ZBTB12: variants seen among roughly 807,000 people sequenced by gnomAD.
The protein encoded by ZBTB12 is zinc finger and BTB domain-containing protein 12.
ZBTB12 carries 1 observed loss-of-function variant against 6.4 expected under a neutral mutation model. That is an observed-to-expected ratio of 0.16 (90% CI 0.06 to 0.74). The LOEUF is 0.74. ZBTB12 is among the 30% of genes least tolerant of loss of function. The pLI, the probability that ZBTB12 is intolerant of heterozygous loss-of-function variation, is 0.78. For missense variants in ZBTB12, 344 were observed against 613.9 expected (o/e 0.56, Z 4.65); for synonymous variants, 273 against 262.5 (o/e 1.04, Z -0.39).
chr6:31,901,322 A>C lies in ZBTB12; in HGVS notation c.-17T>G. ...AGAGGCCATTGTGGCGGGGGTGGGC[A>C]ACCCTGGTTGGGAAGGAAACCGGTC... is the stretch of plus-strand genomic sequence containing the variant. On this transcript the variant is annotated 5_prime_UTR_variant, in exon 2 of 2. Coordinates refer to ENST00000375527, the MANE Select transcript of ZBTB12 (RefSeq NM_181842.3). The C allele has an allele frequency of 3.1e-6, 5 of 1,595,674 alleles. No homozygotes were observed. Among genetic ancestry groups the C allele is most frequent in the Non-Finnish European group, 4.3e-6 (5 of 1,168,602 alleles).
chr6:31,901,363 T>G, intron 1 of ZBTB12, 38 bp from the exon 2 acceptor site: 10 of 1,529,394 alleles, frequency 6.5e-6, no homozygotes, highest in East Asian at 2.3e-5. Context: ...CAAAGGTCTC[T>G]GGCTCTCCGA....
Position 31,900,917 on chromosome 6 carries a change from T to G in ZBTB12, c.389A>C (p.Lys130Thr). 2.5e-6 allele frequency: 4 copies of G among 1,614,068 alleles called. No individual in the cohort carries two copies. The highest frequency in any genetic ancestry group is 2.5e-6 in the Non-Finnish European group (3 of 1,180,018). ...RNALSQFIEP[K>T]IGLKEDGVSE... is the part of the protein sequence containing the mutation. ...GACCCCATCCTCTTTGAGGCCTATT[T>G]TGGGCTCAATGAACTGGCTGAGGGC... The change falls in exon 2 of 2, where the codon AAA (lysine) becomes ACA (threonine). Residue 130 changes from lysine to threonine, a missense_variant. Coordinates refer to ENST00000375527, the MANE Select transcript of ZBTB12 (RefSeq NM_181842.3). The surrounding 1 kb of genome is among the most constrained non-coding windows in gnomAD (Gnocchi z 9.7).
At chr6:31,901,782 G>C (rs1767308167) in intron 1 of ZBTB12, 55 bp downstream of exon 1, 1 of 160,632 alleles carries the variant, frequency 6.2e-6, no homozygotes, top group Non-Finnish European at 1.3e-5. Flanking sequence ...CCCACGCTCA[G>C]AGCTCCGTGG....
Position 31,901,135 on chromosome 6 carries a change from G to A in ZBTB12, c.171C>T (p.Phe57=), listed in dbSNP as rs760109860. 2 of 1,613,956 alleles carry A rather than the reference G, an allele frequency of 1.2e-6. No individual in the cohort carries two copies. The highest frequency in any genetic ancestry group is 2.2e-5 in the South Asian group (2 of 91,086). ...HKVILAACSP[F]LRDQFLLNPS... is the part of the protein sequence containing the mutation. The stretch of plus-strand genomic sequence containing the variant: ...GGTTCAGCAGGAACTGGTCCCGCAG[G>A]AAGGGTGAGCAGGCGGCCAAGATGA... Residue 57 remains phenylalanine, a synonymous_variant, in exon 2 of 2, where the codon TTC becomes TTT. Transcript: ENST00000375527.
At chr6:31,901,645 G>T (rs1196330947) in intron 1 of ZBTB12, among the ~76,000 whole-genome samples, 192 bp downstream of exon 1, 2 of 151,792 alleles carry the variant, frequency 1.3e-5, no homozygotes, top group Non-Finnish European at 2.9e-5. Context: ...AGGTGGCCCC[G>T]GTTGCAGGCT....
rs1464600610 is a variant in ZBTB12 at position 31,901,168 on chromosome 6, G to A, written c.138C>T (p.Gly46=). 4 of 1,613,682 alleles carry A rather than the reference G, an allele frequency of 2.5e-6. No individual in the cohort carries two copies. The highest frequency in any genetic ancestry group is 1.7e-4 in the Middle Eastern group (1 of 6,000). ...AGCAGGCGGCCAAGATGACCTTGTGGCCTCGAAACTTGAGGCTGTCGGCCA... is the reference window on the plus strand; with the variant it reads ...AGCAGGCGGCCAAGATGACCTTGTGACCTCGAAACTTGAGGCTGTCGGCCA... ...TIVADSLKFR[G]HKVILAACSP... The change falls in exon 2 of 2, where the codon GGC becomes GGT. Residue 46 remains glycine, a synonymous_variant. Coordinates refer to ENST00000375527, the MANE Select transcript of ZBTB12 (RefSeq NM_181842.3).
At position 31,900,358 on chromosome 6, in the gene ZBTB12, G is replaced by A. The variant is rs766628932; in HGVS notation, c.948C>T (p.Ser316=). 5.0e-6 allele frequency: 8 copies of A among 1,589,018 alleles called. No individual in the cohort carries two copies. Among genetic ancestry groups the A allele is most frequent in the African/African-American group, 4.0e-5 (3 of 74,336 alleles). The part of the protein sequence containing the change: ...GAGGSLGAGG[S]RGPLPGGFSG... ...AGAAGCCCCCAGGCAGGGGTCCCCGGCTGCCCCCCGCCCCCAGGCTGCCCC... is the reference window on the plus strand; with the variant it reads ...AGAAGCCCCCAGGCAGGGGTCCCCGACTGCCCCCCGCCCCCAGGCTGCCCC... The change falls in exon 2 of 2, where the codon AGC becomes AGT. Residue 316 remains serine, a synonymous_variant. Transcript: ENST00000375527. The surrounding 1 kb of genome is among the most constrained non-coding windows in gnomAD (Gnocchi z 9.7).
Position 31,901,150 on chromosome 6 carries a change from G to T in ZBTB12, c.156C>A (p.Ala52=). Residue 52 remains alanine, a synonymous_variant, in exon 2 of 2, where the codon GCC becomes GCA. Transcript: ENST00000375527. ...LKFRGHKVIL[A]ACSPFLRDQF... ...GGTCCCGCAGGAAGGGTGAGCAGGC[G>T]GCCAAGATGACCTTGTGGCCTCGAA... 1 of 1,613,810 alleles carries T rather than the reference G, an allele frequency of 6.2e-7. No individual in the cohort carries two copies. Among genetic ancestry groups the T allele is most frequent in the Non-Finnish European group, 8.5e-7 (1 of 1,180,044 alleles).
chr6:31,900,691 C>T lies in ZBTB12; in HGVS notation c.615G>A (p.Val205=). The T allele has an allele frequency of 1.2e-6, 2 of 1,610,914 alleles. No homozygotes were observed. The highest frequency in any genetic ancestry group is 2.2e-5 in the East Asian group (1 of 44,862). Reference sequence around the variant, plus strand: ...CCACCTTGACGATGCAGATGTCAGACACGTCCTCATCCTCATCCTCATCCT... The same window carrying T: ...CCACCTTGACGATGCAGATGTCAGATACGTCCTCATCCTCATCCTCATCCT... ...EEEDEDEDED[V]SDICIVKVES... is the part of the protein sequence containing the mutation. The change falls in exon 2 of 2, where the codon GTG becomes GTA. Residue 205 remains valine (V), a synonymous_variant. Coordinates refer to ENST00000375527, the MANE Select transcript of ZBTB12 (RefSeq NM_181842.3). The surrounding 1 kb of genome is among the most constrained non-coding windows in gnomAD (Gnocchi z 9.7).
Position 31,900,121 on chromosome 6 carries a change from G to C in ZBTB12, c.1185C>G (p.Cys395Trp), listed in dbSNP as rs1191136397. ...KSHSCGICGK[C>W]FTQKSTLHDH... Reference sequence around the variant, plus strand: ...CGTGAAGGGTGGACTTCTGTGTGAAGCACTTGCCGCAGATGCCGCACGAGT... The same window carrying C: ...CGTGAAGGGTGGACTTCTGTGTGAACCACTTGCCGCAGATGCCGCACGAGT... Residue 395 changes from cysteine to tryptophan, a missense_variant, in exon 2 of 2, where the codon TGC (cysteine) becomes TGG (tryptophan). Physicochemically the swap from Cys to Trp is radical, Grantham distance 215. Coordinates refer to ENST00000375527, the MANE Select transcript of ZBTB12 (RefSeq NM_181842.3). This position sits in a 1 kb window ranked among gnomAD's most constrained non-coding sequence, Gnocchi z 9.7. 1 of 1,614,072 alleles carries C rather than the reference G, an allele frequency of 6.2e-7. No homozygotes were observed.
Position 31,900,697 on chromosome 6 carries a change from C to T in ZBTB12, c.609G>A (p.Glu203=), listed in dbSNP as rs538239323. Residue 203 remains glutamate (E), a synonymous_variant, in exon 2 of 2, where the codon GAG becomes GAA. Transcript: ENST00000375527. This position sits in a 1 kb window ranked among gnomAD's most constrained non-coding sequence, Gnocchi z 9.7. ...KAEEEDEDED[E]DVSDICIVKV... ...TGACGATGCAGATGTCAGACACGTC[C>T]TCATCCTCATCCTCATCCTCTTCCT... The T allele has an allele frequency of 5.4e-5, 86 of 1,602,934 alleles. 1 individual carries two copies. In the South Asian group the frequency reaches 8.8e-4, roughly 16 times the overall value.
chr6:31,900,703 C>G lies in ZBTB12; in HGVS notation c.603G>C (p.Glu201Asp). ...TGCAGATGTCAGACACGTCCTCATC[C>G]TCATCCTCATCCTCTTCCTCGGCTT... ...ELKAEEEDED[E>D]DEDVSDICIV... The change falls in exon 2 of 2, where the codon GAG becomes GAC. Residue 201 changes from glutamate to aspartate, a missense_variant. Glu to Asp is a conservative substitution (Grantham distance 45, BLOSUM62 2). This residue lies in a region of ZBTB12 where 241 missense variants were observed against 315.4 expected (regional missense o/e 0.76). Transcript: ENST00000375527. This position sits in a 1 kb window ranked among gnomAD's most constrained non-coding sequence, Gnocchi z 9.7. The G allele has an allele frequency of 6.2e-7, 1 of 1,605,430 alleles. No homozygotes were observed. The highest frequency in any genetic ancestry group is 8.5e-7 in the Non-Finnish European group (1 of 1,175,314).
intron 1 of ZBTB12, 37 bp from the exon 2 acceptor site, chr6:31,901,362 C>G: frequency 6.5e-7 from 1 of 1,533,396 alleles, no homozygotes; most frequent in Non-Finnish European, 8.8e-7. Flanking sequence ...ACAAAGGTCT[C>G]TGGCTCTCCG....
chr6:31,901,457 T>G, intron 1 of ZBTB12, 132 bp from the exon 2 acceptor site: 1 of 901,208 alleles, frequency 1.1e-6, no homozygotes, highest in Non-Finnish European at 1.6e-6. Context: ...CTTCCTCAGT[T>G]TCCCCAACCC....
chr6:31,901,465 C>A, intron 1 of ZBTB12, 140 bp from the exon 2 acceptor site: 1 of 859,458 alleles, frequency 1.2e-6, no homozygotes, highest in Non-Finnish European at 1.7e-6. Flanking sequence ...GTTTCCCCAA[C>A]CCTGGGGAGG....
In ZBTB12 at chr6:31,901,051, G is replaced by A; in HGVS notation, c.255C>T (p.Leu85=). 1 of 1,614,204 alleles carries A rather than the reference G, an allele frequency of 6.2e-7. No homozygotes were observed. Residue 85 remains leucine (L), a synonymous_variant, in exon 2 of 2, where the codon CTC becomes CTT. Transcript: ENST00000375527. ...CCAAGGCGCCCGTGTAGCAGGAGAG[G>A]AGCAAGTCGGCCACGATGCGTGCAC... ...MHSARIVADL[L]LSCYTGALEF...
At position 31,899,699 on chromosome 6, in the gene ZBTB12, A is replaced by G; in HGVS notation, c.*227T>C. On this transcript the variant is annotated 3_prime_UTR_variant, in exon 2 of 2. Coordinates refer to ENST00000375527, the MANE Select transcript of ZBTB12 (RefSeq NM_181842.3). Reference sequence around the variant, plus strand: ...AGGAAATCTTTCTCTGGGACCCCGTATTCCCCTGGCCTCCAAGAACCCTTT... The same window carrying G: ...AGGAAATCTTTCTCTGGGACCCCGTGTTCCCCTGGCCTCCAAGAACCCTTT... The G allele has an allele frequency of 1.9e-6, 1 of 533,060 alleles. No individual in the cohort carries two copies. The highest frequency in any genetic ancestry group is 3.2e-5 in the South Asian group (1 of 31,222). 33.0% of individuals were successfully genotyped at this position (533,060 alleles called of 1,614,324 possible).
chr6:31,899,843 C>CA lies in ZBTB12; in HGVS notation c.*82dup. 1 of 1,421,816 alleles carries CA rather than the reference C, an allele frequency of 7.0e-7. No individual in the cohort carries two copies. The highest frequency in any genetic ancestry group is 9.4e-7 in the Non-Finnish European group (1 of 1,061,984). 88.1% of individuals were successfully genotyped at this position (1,421,816 alleles called of 1,614,324 possible). On this transcript the variant is annotated 3_prime_UTR_variant, in exon 2 of 2. Transcript: ENST00000375527. ...TCTTACCTTTCTGCCCCAGACCCCC[C>CA]ACCCCCCAATTCTCCTGGGCCAAAG...
rs750221536 is a variant in ZBTB12 at position 31,901,288 on chromosome 6, T to A, written c.18A>T (p.Glu6Asp). 3.7e-5 allele frequency: 60 copies of A among 1,611,492 alleles called. No homozygotes were observed. The highest frequency in any genetic ancestry group is 4.8e-5 in the Non-Finnish European group (56 of 1,178,778). The change falls in exon 2 of 2, where the codon GAA (glutamate) becomes GAT (aspartate). Residue 6 changes from glutamate to aspartate, a missense_variant. Physicochemically the swap from Glu to Asp is conservative, Grantham distance 45. Around this residue, in one of 5 missense-constraint regions of ZBTB12, gnomAD observed 17 missense variants for 16.5 expected, o/e 1.03. Coordinates refer to ENST00000375527, the MANE Select transcript of ZBTB12 (RefSeq NM_181842.3). ...GGCCGGGCAGCTGGAAGCGCAGGACTTCCACCCCAGAGGCCATTGTGGCGG... is the reference window on the plus strand; with the variant it reads ...GGCCGGGCAGCTGGAAGCGCAGGACATCCACCCCAGAGGCCATTGTGGCGG... MASGV[E>D]VLRFQLPGHE... is the part of the protein sequence containing the mutation.
Sources: allele counts gnomAD v4.1 joint callset (sites outside exome capture counted in the v4.1 genomes callset), GRCh38; gene constraint gnomAD v4.1.1; regional missense constraint gnomAD v4.1.1; non-coding constraint Gnocchi (gnomAD v3.1); transcripts MANE v1.5; gene names NCBI Gene and HGNC (gene_info 2026-07-23, HGNC 2026-07-21).